Variants in CCSER1 observed in about 807,000 individuals in gnomAD.
The protein encoded by CCSER1 is coiled-coil serine rich protein 1.
A neutral mutation model predicts 82.0 loss-of-function variants in CCSER1; 41 were observed. The ratio of observed to expected loss-of-function variants is 0.50; its 90% CI spans 0.39 to 0.65. The LOEUF (loss-of-function observed/expected upper bound fraction) is 0.65. CCSER1 is among the 30% of genes least tolerant of loss of function. CCSER1 has a pLI of 0.00. For synonymous variants in CCSER1, 414 were observed against 383.9 expected, an observed-to-expected ratio of 1.08 and a Z score of -0.92; for missense variants, 1,119 against 1,064.2, an observed-to-expected ratio of 1.05 and a Z score of -0.72.
At chr4:90,320,209 A>G (rs1423747976) in intron 3 of CCSER1, among the ~76,000 whole-genome samples, 2 of 152,348 alleles carry the variant, frequency 1.3e-5, no homozygotes, top group East Asian at 1.9e-4. Flanking sequence ...AAAAATAGGC[A>G]TCTAATAAAT....
intron 1 of CCSER1, among the ~76,000 whole-genome samples, chr4:90,199,406 C>T (rs1333567412): frequency 6.6e-6 from 1 of 152,126 alleles, no homozygotes; most frequent in African/African-American, 2.4e-5. Flanking sequence ...TTAATCATTT[C>T]ATTACCCCTT....
At chr4:90,914,936 A>G (rs375546587) in intron 8 of CCSER1, among the ~76,000 whole-genome samples, 2 of 152,312 alleles carry the variant, frequency 1.3e-5, no homozygotes, top group South Asian at 4.1e-4. Context: ...AAATTCCAGG[A>G]CACATACAGC....
chr4:91,591,608 A>T (rs946773007), intron 10 of CCSER1, among the ~76,000 whole-genome samples: 43 of 152,230 alleles, frequency 2.8e-4, no homozygotes, highest in Middle Eastern at 6.8e-3. Context: ...TAAATTACCA[A>T]AATTTTTTAT....
chr4:91,274,831 C>T (rs1360912965), intron 10 of CCSER1, among the ~76,000 whole-genome samples: 7 of 152,196 alleles, frequency 4.6e-5, no homozygotes, highest in Non-Finnish European at 1.0e-4. Context: ...ATTGGCCTGG[C>T]GCAGTGGCTC....
intron 5 of CCSER1, among the ~76,000 whole-genome samples, chr4:90,507,331 T>G (rs1191800194): frequency 2.0e-5 from 3 of 150,832 alleles, no homozygotes; most frequent in African/African-American, 7.3e-5. Context: ...ATAAGAGGCT[T>G]GTAAGAGAGA....
intron 10 of CCSER1, among the ~76,000 whole-genome samples, chr4:91,134,810 C>T (rs998884111): frequency 6.6e-6 from 1 of 151,996 alleles, no homozygotes; most frequent in African/African-American, 2.4e-5. Flanking sequence ...GCCTGTAATC[C>T]CAGCACTTTG....
At chr4:90,851,766 T>G (rs953467287) in intron 8 of CCSER1, among the ~76,000 whole-genome samples, 1 of 152,098 alleles carries the variant, frequency 6.6e-6, no homozygotes, top group Non-Finnish European at 1.5e-5. Flanking sequence ...ACTGTAAATC[T>G]TAAAGTTGAA....
intron 10 of CCSER1, among the ~76,000 whole-genome samples, chr4:91,228,579 A>C (rs1478288522): frequency 6.6e-6 from 1 of 152,064 alleles, no homozygotes; most frequent in Admixed American, 6.6e-5. Flanking sequence ...TCCATTAAAC[A>C]GCAGAAAGAA....
At chr4:90,551,698 C>CTATATA (rs1224770860) in intron 5 of CCSER1, among the ~76,000 whole-genome samples, 1 of 118,510 alleles carries the variant, frequency 8.4e-6, no homozygotes, top group African/African-American at 4.1e-5. Flanking sequence ...CTCTCTCTCT[C>CTATATA]TCTCTCTCTA....
chr4:90,293,332 C>A (rs1731270203), intron 1 of CCSER1, among the ~76,000 whole-genome samples: 3 of 151,420 alleles, frequency 2.0e-5, no homozygotes, highest in Non-Finnish European at 4.4e-5. Context: ...TTTTATTATT[C>A]TGTTGTTTCA....
At chr4:90,370,150 C>A (rs1006481372) in intron 3 of CCSER1, 6 of 152,146 alleles carry the variant, frequency 3.9e-5, no homozygotes, top group Admixed American at 3.9e-4. Flanking sequence ...GCACTGACAT[C>A]TGCCACCACA....
intron 3 of CCSER1, among the ~76,000 whole-genome samples, chr4:90,390,476 T>C (rs992036332): frequency 2.6e-5 from 4 of 152,192 alleles, no homozygotes; most frequent in Non-Finnish European, 5.9e-5. Context: ...TGTCTATTGT[T>C]GCCATCTTTT....
At chr4:91,501,190 C>G (rs934574971) in intron 10 of CCSER1, among the ~76,000 whole-genome samples, 4 of 151,684 alleles carry the variant, frequency 2.6e-5, no homozygotes, top group African/African-American at 9.7e-5. Flanking sequence ...TGCTTGTTTT[C>G]TTTTGCATTA....
chr4:90,880,867 A>T (rs1036281280), intron 8 of CCSER1, among the ~76,000 whole-genome samples: 2 of 151,958 alleles, frequency 1.3e-5, no homozygotes, highest in African/African-American at 4.8e-5. Context: ...GTGGGCCGTC[A>T]TCCTGCCTGG....
At chr4:90,298,145 C>G (rs201295023) in intron 1 of CCSER1, among the ~76,000 whole-genome samples, 2,250 of 152,128 alleles carry the variant, frequency 0.015, 36 homozygotes, top group African/African-American at 0.043. Context: ...GGTTGGTAAG[C>G]TATTGATTAT....
At chr4:91,049,848 T>G (rs1318293619) in intron 9 of CCSER1, among the ~76,000 whole-genome samples, 2 of 152,184 alleles carry the variant, frequency 1.3e-5, no homozygotes, top group African/African-American at 4.8e-5. Flanking sequence ...ATTTTCCAAT[T>G]TTACATTTCT....
chr4:90,916,485 CT>C (rs1198262421), intron 8 of CCSER1, among the ~76,000 whole-genome samples: 1 of 152,054 alleles, frequency 6.6e-6, no homozygotes, highest in African/African-American at 2.4e-5. Context: ...AACTGGATCC[CT>C]TCCTTACACC....
chr4:90,904,382 G>C (rs1169648127), intron 8 of CCSER1, among the ~76,000 whole-genome samples: 1 of 151,976 alleles, frequency 6.6e-6, no homozygotes, highest in Non-Finnish European at 1.5e-5. Flanking sequence ...CTATTTCTCT[G>C]TTCTACTTGA....
chr4:91,027,089 C>T (rs1402573169), intron 9 of CCSER1, among the ~76,000 whole-genome samples: 1 of 151,750 alleles, frequency 6.6e-6, no homozygotes, highest in African/African-American at 2.4e-5. Context: ...TAGTAACTAC[C>T]CATGTAGAAC....
Sources: gnomAD v4.1 joint callset for allele counts (sites outside exome capture counted in the v4.1 genomes callset) on GRCh38, gnomAD v4.1.1 for gene constraint, MANE v1.5 for transcripts, NCBI Gene and HGNC (gene_info 2026-07-23, HGNC 2026-07-21) for gene names.